The following AVEN variants were observed in gnomAD, a reference collection of about 807,000 sequenced individuals.
AVEN encodes the protein apoptosis and caspase activation inhibitor.
AVEN carries 41 observed loss-of-function variants against 38.1 expected under a neutral mutation model. The ratio of observed to expected loss-of-function variants is 1.08; its 90% CI spans 0.84 to 1.40. The LOEUF (loss-of-function observed/expected upper bound fraction) is 1.40, where lower values mean the gene tolerates loss of function less well. AVEN is among the 40% of genes most tolerant of loss of function. AVEN has a pLI of 0.00. For synonymous variants in AVEN, 206 were observed against 171.8 expected, an observed-to-expected ratio of 1.20 and a Z score of -1.56; for missense variants, 605 against 438.8, an observed-to-expected ratio of 1.38 and a Z score of -3.38.
At chr15:33,910,537 T>C (rs1164087061) in intron 2 of AVEN, among the ~76,000 whole-genome samples, 4 of 152,192 alleles carry the variant, frequency 2.6e-5, no homozygotes, top group African/African-American at 9.7e-5. Flanking sequence ...AAAGTGATGC[T>C]ATACAAGGTC....
At chr15:33,864,055 T>C (rs756163745), downstream of AVEN, 16 of 1,040,846 alleles carry the variant, frequency 1.5e-5, no homozygotes, top group Non-Finnish European at 2.3e-5. Flanking sequence ...AACTAGCCTT[T>C]CTGAGCCCTG....
downstream of AVEN, chr15:33,854,666 C>A: frequency 6.9e-7 from 1 of 1,458,814 alleles, no homozygotes; most frequent in Non-Finnish European, 9.3e-7. Context: ...ACCTAAACCC[C>A]CTCTATCCTC....
In AVEN at chr15:33,859,816, G is replaced by A. The variant is rs1215108985; in HGVS notation, n.2730-722C>T. On this transcript the variant is annotated intron_variant and non_coding_transcript_variant, in intron 11 of 11. Transcript: ENST00000675287. ...TCCATCTATGACTTAATTGGTTTAT[G>A]AAGAAGCGTGTGAATTCATTTACTT... 4 of 1,357,828 alleles carry A rather than the reference G, an allele frequency of 2.9e-6. No homozygotes were observed. In the African/African-American group the frequency reaches 5.8e-5, roughly 20 times the overall value. 84.1% of individuals were successfully genotyped at this position (1,357,828 alleles called of 1,614,324 possible).
intron 1 of AVEN, among the ~76,000 whole-genome samples, chr15:34,009,091 A>G (rs990625903): frequency 3.3e-5 from 5 of 152,198 alleles, no homozygotes; most frequent in Admixed American, 3.3e-4. Flanking sequence ...CCAGAAGGCA[A>G]TAATATAACA....
In AVEN at chr15:34,012,513, T is replaced by G. The variant is rs567659496; in HGVS notation, c.268-9304A>C. Among the ~76,000 whole-genome samples, 22 of 152,320 alleles carry G rather than the reference T, an allele frequency of 1.4e-4. No individual in the cohort carries two copies. In the South Asian group the frequency reaches 4.6e-3, roughly 32 times the overall value. ...CAGGTACATCTGCCTCTCTGTTCCA[T>G]TTTTGCTGGGATTTCACTGCATATG... On this transcript the variant is annotated intron_variant, in intron 1 of 5. Transcript: ENST00000306730.
downstream of AVEN, chr15:33,865,427 G>C: frequency 2.0e-6 from 1 of 511,412 alleles, no homozygotes; most frequent in South Asian, 3.2e-5. Flanking sequence ...GAGAGAACCT[G>C]TCAAAATGTC....
downstream of AVEN, chr15:33,865,094 G>C: frequency 6.5e-7 from 1 of 1,537,946 alleles, no homozygotes. Context: ...TTTTACTGTG[G>C]TTTAAAAATA....
intron 2 of AVEN, among the ~76,000 whole-genome samples, chr15:33,891,339 C>G (rs781543952): frequency 1.3e-5 from 2 of 152,080 alleles, no homozygotes; most frequent in Non-Finnish European, 2.9e-5. Context: ...CCCATTAACT[C>G]GTCATTTACA....
chr15:33,935,823 A>G (rs549944387), intron 2 of AVEN, among the ~76,000 whole-genome samples: 104 of 152,224 alleles, frequency 6.8e-4, no homozygotes, highest in Non-Finnish European at 1.1e-3. Context: ...TGCTTTGACT[A>G]TTTTCCAAAT....
At chr15:33,875,859 G>T in intron 3 of AVEN, 66 bp downstream of exon 3, 1 of 1,408,872 alleles carries the variant, frequency 7.1e-7, no homozygotes, top group South Asian at 1.2e-5. Context: ...TCTCAAGAAC[G>T]TAAAAGGTGT....
chr15:33,893,743 G>C (rs1892090044), intron 2 of AVEN, among the ~76,000 whole-genome samples: 1 of 152,148 alleles, frequency 6.6e-6, no homozygotes, highest in South Asian at 2.1e-4. Flanking sequence ...AAGCAGAAAG[G>C]GGTGTGCACT....
intron 2 of AVEN, among the ~76,000 whole-genome samples, chr15:33,999,807 G>A (rs1597332421): frequency 6.6e-6 from 1 of 152,268 alleles, no homozygotes; most frequent in East Asian, 1.9e-4. Context: ...CCTCTTGCCA[G>A]TCTTCAGTTC....
At chr15:33,969,216 G>A (rs1471186317) in intron 2 of AVEN, 2 of 151,976 alleles carry the variant, frequency 1.3e-5, no homozygotes, top group Non-Finnish European at 2.9e-5. Context: ...CTCGTGCTGT[G>A]AATGAGATAG....
intron 5 of AVEN, among the ~76,000 whole-genome samples, chr15:34,049,082 G>A (rs1467479879): frequency 6.6e-6 from 1 of 152,172 alleles, no homozygotes; most frequent in Non-Finnish European, 1.5e-5. Flanking sequence ...AGGTAGATAA[G>A]CCCACAAAGA....
chr15:33,957,846 G>C (rs1189707884), intron 2 of AVEN, among the ~76,000 whole-genome samples: 2 of 152,168 alleles, frequency 1.3e-5, no homozygotes, highest in Non-Finnish European at 2.9e-5. Flanking sequence ...GAGGCAAAAA[G>C]GGTGAAGAGG....
At chr15:33,898,105 C>A (rs951375772) in intron 2 of AVEN, among the ~76,000 whole-genome samples, 1 of 152,118 alleles carries the variant, frequency 6.6e-6, no homozygotes, top group Admixed American at 6.5e-5. Flanking sequence ...AGGAGAATGG[C>A]GTGAACCAGG....
intron 2 of AVEN, among the ~76,000 whole-genome samples, chr15:33,993,406 C>T (rs1391070300): frequency 6.6e-6 from 1 of 152,064 alleles, no homozygotes; most frequent in Non-Finnish European, 1.5e-5. Context: ...TTCCCATATC[C>T]ACCACTAATA....
chr15:33,942,459 C>A (rs931528135), intron 2 of AVEN, among the ~76,000 whole-genome samples: 1 of 148,396 alleles, frequency 6.7e-6, no homozygotes, highest in African/African-American at 2.5e-5. Flanking sequence ...TTTTTTTTTT[C>A]TTTTCTTTTG....
intron 11 of AVEN, chr15:33,860,512 G>T: frequency 1.0e-5 from 8 of 766,570 alleles, no homozygotes; most frequent in South Asian, 2.6e-5. Context: ...TTTTTTAACA[G>T]AACAAAGTAG....
Sources: allele counts gnomAD v4.1 joint callset (sites outside exome capture counted in the v4.1 genomes callset), GRCh38; gene constraint gnomAD v4.1.1; transcripts MANE v1.5; gene names NCBI Gene and HGNC (gene_info 2026-07-23, HGNC 2026-07-21).